LOXL2: variants seen among roughly 807,000 people sequenced by gnomAD.
LOXL2 encodes lysyl oxidase homolog 2.
A neutral mutation model predicts 93.0 loss-of-function variants in LOXL2; 70 were observed. The observed-to-expected ratio is 0.75, with a 90% confidence interval of 0.62 to 0.92. LOXL2 has a LOEUF of 0.92. Ranked by LOEUF, LOXL2 falls within the 40% of genes least tolerant of loss-of-function variation. The pLI is 0.00. For missense variants in LOXL2, 973 were observed against 1,054.9 expected, an observed-to-expected ratio of 0.92 and a Z score of 1.08; for synonymous variants, 438 against 413.2, an observed-to-expected ratio of 1.06 and a Z score of -0.73.
At chr8:23,303,460 G>A (rs1339061306) in intron 10 of LOXL2, 63 bp from the exon 11 acceptor site, 1 of 950,800 alleles carries the variant, frequency 1.1e-6, no homozygotes, top group Non-Finnish European at 1.7e-6. Flanking sequence ...TGCAAGCAGA[G>A]GCCTGGCTGG....
intron 1 of LOXL2, among the ~76,000 whole-genome samples, chr8:23,398,680 ATTCT>A (rs1376060409): frequency 2.6e-5 from 4 of 152,130 alleles, no homozygotes; most frequent in African/African-American, 2.4e-5. Context: ...CCAAGTGGCT[ATTCT>A]TTCTTTGTTT....
At chr8:23,309,598 C>A in intron 10 of LOXL2, 70 bp downstream of exon 10, 1 of 1,341,988 alleles carries the variant, frequency 7.5e-7, no homozygotes, top group Non-Finnish European at 9.6e-7. Context: ...TGGCAACTCT[C>A]AACTCCCATC....
At chr8:23,370,809 G>T (rs1804482079) in intron 1 of LOXL2, 1 of 152,280 alleles carries the variant, frequency 6.6e-6, no homozygotes, top group South Asian at 2.1e-4. Context: ...GCTCTCAGAT[G>T]CATTCCTGAA....
rs1554483367 is a variant in LOXL2 at position 23,380,406 on chromosome 8, A to AAAAAG, written c.-83-11973_-83-11972insCTTTT. On this transcript the variant is annotated intron_variant, in intron 1 of 13. Coordinates refer to ENST00000389131, the MANE Select transcript of LOXL2 (RefSeq NM_002318.3). ...GACTCCGTCTCAAAAAAAAAAAAAA[A>AAAAAG]AAAAAGACATCTTAATCTGTGGATT... 7.8e-3 allele frequency among the ~76,000 whole-genome samples: 1,006 copies of AAAAAG among 128,468 alleles called. 25 individuals carry two copies. The highest frequency in any genetic ancestry group is 0.012 in the Non-Finnish European group (747 of 63,416). 84.3% of individuals were successfully genotyped at this position (128,468 alleles called of 152,430 possible).
chr8:23,386,810 T>G (rs1051059671), intron 1 of LOXL2, among the ~76,000 whole-genome samples: 1 of 152,106 alleles, frequency 6.6e-6, no homozygotes, highest in African/African-American at 2.4e-5. Context: ...CAGCAGAACA[T>G]GGGAGAATCA....
intron 3 of LOXL2, among the ~76,000 whole-genome samples, chr8:23,341,724 A>C (rs1190804169): frequency 6.6e-6 from 1 of 152,200 alleles, no homozygotes; most frequent in Non-Finnish European, 1.5e-5. Flanking sequence ...GCCACCCTGC[A>C]GACTACCTCA....
chr8:23,317,949 C>G (rs1803428968), intron 8 of LOXL2, among the ~76,000 whole-genome samples: 1 of 138,976 alleles, frequency 7.2e-6, no homozygotes, highest in African/African-American at 2.5e-5. Flanking sequence ...TAGGAAGGGC[C>G]TTGGAAGTAT....
At chr8:23,311,804 T>C (rs1294959771) in intron 9 of LOXL2, among the ~76,000 whole-genome samples, 2 of 152,172 alleles carry the variant, frequency 1.3e-5, no homozygotes, top group African/African-American at 4.8e-5. Context: ...ACATAATAAT[T>C]ACTACTGCAA....
intron 1 of LOXL2, among the ~76,000 whole-genome samples, chr8:23,397,714 C>T (rs1194690538): frequency 1.3e-5 from 2 of 148,784 alleles, no homozygotes; most frequent in Non-Finnish European, 3.0e-5. Context: ...GGAGGCGGAG[C>T]TTGCAGTGAG....
At chr8:23,316,191 A>C (rs548403313) in intron 9 of LOXL2, among the ~76,000 whole-genome samples, 1 of 152,358 alleles carries the variant, frequency 6.6e-6, no homozygotes, top group South Asian at 2.1e-4. Context: ...GCCCTTGCAC[A>C]TATTAATTGT....
rs12546469 is a variant in LOXL2, at chr8:23,306,063, C to T, written c.1881-2666G>A. 8.9e-3 allele frequency among the ~76,000 whole-genome samples: 1,362 copies of T among 152,220 alleles called. 74 individuals carry two copies. The East Asian group carries it at 0.15, about 17-fold the overall frequency. Reference sequence around the variant, plus strand: ...TGACCTCAAGTGATCCACTCGCCTCCGTCTCCCAAAGTGCTGTGATTACAG... The same window carrying T: ...TGACCTCAAGTGATCCACTCGCCTCTGTCTCCCAAAGTGCTGTGATTACAG... On this transcript the variant is annotated intron_variant, in intron 10 of 13. Coordinates refer to ENST00000389131, the MANE Select transcript of LOXL2 (RefSeq NM_002318.3).
chr8:23,344,388 G>C (rs372331283), intron 3 of LOXL2, among the ~76,000 whole-genome samples: 3 of 152,208 alleles, frequency 2.0e-5, no homozygotes, highest in African/African-American at 7.2e-5. Flanking sequence ...TGGTCTGTGT[G>C]TGTGTGGTGT....
chr8:23,323,332 T>G (rs1047363379), intron 6 of LOXL2, among the ~76,000 whole-genome samples: 3 of 152,202 alleles, frequency 2.0e-5, no homozygotes, highest in African/African-American at 7.2e-5. Context: ...AGCAGAAGGT[T>G]CTGTCTGGGA....
chr8:23,302,421 C>CT (rs1188012486), intron 11 of LOXL2, among the ~76,000 whole-genome samples: 1 of 152,154 alleles, frequency 6.6e-6, no homozygotes, highest in African/African-American at 2.4e-5. Context: ...CCACCCTGGC[C>CT]TTTCTGTGAC....
At chr8:23,341,836 C>T (rs1020274701) in intron 3 of LOXL2, among the ~76,000 whole-genome samples, 1 of 152,116 alleles carries the variant, frequency 6.6e-6, no homozygotes, top group African/African-American at 2.4e-5. Flanking sequence ...TGGTGTTGAG[C>T]GTGCTGTGTG....
chr8:23,302,097 A>C lies in LOXL2; in HGVS notation c.2063T>G (p.Met688Arg), dbSNP rs369164898. The stretch of plus-strand genomic sequence containing the variant: ...CTGGCAGTCGATGTCATGGCGGTAC[A>C]TGTCCCAGCAGCCCATGGTGATGCC... ...DQGITMGCWD[M>R]YRHDIDCQWV... Residue 688 changes from methionine to arginine, a missense_variant, in exon 12 of 14, where the codon ATG (methionine) becomes AGG (arginine). By Grantham distance (91) the Met-to-Arg change is moderately conservative. Coordinates refer to ENST00000389131, the MANE Select transcript of LOXL2 (RefSeq NM_002318.3). The C allele has an allele frequency of 1.2e-6, 2 of 1,614,122 alleles. No homozygotes were observed. The highest frequency in any genetic ancestry group is 1.1e-5 in the South Asian group (1 of 91,074).
At position 23,298,105 on chromosome 8, in the gene LOXL2, C is replaced by T. The variant is rs1434794493; in HGVS notation, c.2263G>A (p.Glu755Lys). The T allele has an allele frequency of 6.2e-7, 1 of 1,613,640 alleles. No individual in the cohort carries two copies. Among genetic ancestry groups the T allele is most frequent in the East Asian group, 2.2e-5 (1 of 44,876 alleles). ...AAGTGCTCAAACTTTTTTTCCGTCT[C>T]TTCGCTGAAGGAACCACCTGAAGAG... ...NCHIGGSFSE[E>K]TEKKFEHFSG... Residue 755 changes from glutamate (E) to lysine (K), a missense_variant, in exon 14 of 14, where the codon GAG (glutamate) becomes AAG (lysine). Transcript: ENST00000389131.
intron 10 of LOXL2, among the ~76,000 whole-genome samples, chr8:23,307,297 T>TC (rs1248534317): frequency 6.6e-6 from 1 of 152,080 alleles, no homozygotes; most frequent in Non-Finnish European, 1.5e-5. Context: ...CCTCTTAAGG[T>TC]CCCTAGGATC....
At chr8:23,355,609 C>CTT (rs1347524759) in intron 3 of LOXL2, among the ~76,000 whole-genome samples, 15 of 82,266 alleles carry the variant, frequency 1.8e-4, no homozygotes, top group African/African-American at 5.7e-4. Context: ...AAGATTTGTT[C>CTT]TTTTTTTTTT....
Sources: allele counts gnomAD v4.1 joint callset (sites outside exome capture counted in the v4.1 genomes callset), GRCh38; gene constraint gnomAD v4.1.1; transcripts MANE v1.5; gene names NCBI Gene and HGNC (gene_info 2026-07-23, HGNC 2026-07-21).